Variants in FAP observed in about 807,000 individuals in gnomAD.
The protein encoded by FAP is fibroblast activation protein alpha.
In FAP, 110 loss-of-function variants were observed where a neutral mutation model predicts 126.5. The observed-to-expected ratio is 0.87, with a 90% CI of 0.74 to 1.02. FAP has a LOEUF of 1.02. FAP is among the 50% of genes least tolerant of loss of function. FAP has a pLI of 0.00. For missense variants in FAP, 919 were observed against 909.2 expected (o/e 1.01, Z -0.14); for synonymous variants, 334 against 297.3 (o/e 1.12, Z -1.27).
chr2:162,239,219 T>C (rs1219046123), intron 2 of FAP, among the ~76,000 whole-genome samples: 1 of 152,050 alleles, frequency 6.6e-6, no homozygotes, highest in Non-Finnish European at 1.5e-5. Flanking sequence ...TTTTTTTTAA[T>C]AGAGAAAGGG....
chr2:162,232,550 C>CT (rs1372353111), intron 2 of FAP, among the ~76,000 whole-genome samples: 3 of 152,106 alleles, frequency 2.0e-5, no homozygotes, highest in African/African-American at 7.2e-5. Flanking sequence ...GCAATTTGAG[C>CT]TTTTTCAAAG....
chr2:162,214,007 T>A lies in FAP; in HGVS notation c.933A>T (p.Arg311Ser). The A allele has an allele frequency of 6.2e-7, 1 of 1,614,098 alleles. No homozygotes were observed. The highest frequency in any genetic ancestry group is 8.5e-7 in the Non-Finnish European group (1 of 1,179,982). The change falls in exon 11 of 26, where the codon AGA becomes AGT. Residue 311 changes from arginine (R) to serine (S), a missense_variant. Coordinates refer to ENST00000188790, the MANE Select transcript of FAP (RefSeq NM_004460.5). ...TAGACAGGACCGAAACATTCTGGACTCTTTTTAGCCACTGCAAACATACTC... is the reference window on the plus strand; with the variant it reads ...TAGACAGGACCGAAACATTCTGGACACTTTTTAGCCACTGCAAACATACTC... ...DERVCLQWLK[R>S]VQNVSVLSIC...
chr2:162,175,960 G>C (rs545561678), intron 21 of FAP: 7 of 152,232 alleles, frequency 4.6e-5, no homozygotes, highest in African/African-American at 1.7e-4. Context: ...GTGACTCTCT[G>C]TGTTTATTCT....
chr2:162,196,950 ACTTTTG>A, intron 16 of FAP, among the ~76,000 whole-genome samples: 1 of 152,200 alleles, frequency 6.6e-6, no homozygotes. Flanking sequence ...TCTTCCACCA[ACTTTTG>A]ATGAGAGCTT....
intron 20 of FAP, among the ~76,000 whole-genome samples, chr2:162,184,905 T>C (rs766291367): frequency 1.3e-5 from 2 of 152,128 alleles, no homozygotes; most frequent in Non-Finnish European, 2.9e-5. Flanking sequence ...TAACAGGTGA[T>C]ACATGGGAAC....
chr2:162,241,916 T>C (rs1416782608), intron 2 of FAP, among the ~76,000 whole-genome samples: 1 of 152,210 alleles, frequency 6.6e-6, no homozygotes, highest in African/African-American at 2.4e-5. Flanking sequence ...TTATTTTTAA[T>C]TTTCGAAAAC....
chr2:162,235,001 G>A (rs546789034), intron 2 of FAP, among the ~76,000 whole-genome samples: 2 of 152,220 alleles, frequency 1.3e-5, no homozygotes, highest in Admixed American at 6.5e-5. Flanking sequence ...AGCTGCGGAG[G>A]GCGAACCGGG....
intron 6 of FAP, among the ~76,000 whole-genome samples, chr2:162,223,397 T>C (rs1375784282): frequency 6.6e-6 from 1 of 152,150 alleles, no homozygotes; most frequent in Admixed American, 6.5e-5. Flanking sequence ...AATAAAAATA[T>C]AAAATATTAG....
Position 162,243,439 on chromosome 2 carries a change from C to A in FAP, c.-112G>T. 2 of 1,422,036 alleles carry A rather than the reference C, an allele frequency of 1.4e-6. No homozygotes were observed. The highest frequency in any genetic ancestry group is 1.5e-5 in the South Asian group (1 of 68,654). 88.1% of individuals were successfully genotyped at this position (1,422,036 alleles called of 1,614,324 possible). Reference sequence around the variant, plus strand: ...CTGTCTTTGTAGTTGGAAGCTGAAGCCAGGACAAGGTTTTTTTCTTTCCAC... The same window carrying A: ...CTGTCTTTGTAGTTGGAAGCTGAAGACAGGACAAGGTTTTTTTCTTTCCAC... On this transcript the variant is annotated 5_prime_UTR_variant, in exon 1 of 26. Coordinates refer to ENST00000188790, the MANE Select transcript of FAP (RefSeq NM_004460.5).
chr2:162,179,116 C>T (rs1474631459), intron 21 of FAP, among the ~76,000 whole-genome samples: 1 of 152,116 alleles, frequency 6.6e-6, no homozygotes, highest in African/African-American at 2.4e-5. Context: ...GCCCTATTGA[C>T]TTCAAGAGCA....
intron 2 of FAP, among the ~76,000 whole-genome samples, chr2:162,241,727 T>A (rs189763539): frequency 6.6e-6 from 1 of 152,240 alleles, no homozygotes; most frequent in Admixed American, 6.5e-5. Flanking sequence ...CTGAAAACAA[T>A]TTTAACATGA....
intron 6 of FAP, among the ~76,000 whole-genome samples, chr2:162,222,385 A>C (rs1689444292): frequency 6.6e-6 from 1 of 152,214 alleles, no homozygotes; most frequent in Non-Finnish European, 1.5e-5. Context: ...AAGGACTCAG[A>C]ATGCATTAGA....
At chr2:162,203,483 CAAACCT>C (rs1464987222) in intron 12 of FAP, among the ~76,000 whole-genome samples, 1 of 152,182 alleles carries the variant, frequency 6.6e-6, no homozygotes, top group African/African-American at 2.4e-5. Flanking sequence ...TTAACGAAAC[CAAACCT>C]AAAATGAGGT....
chr2:162,180,362 A>T (rs1687655528), intron 21 of FAP, among the ~76,000 whole-genome samples: 3 of 152,188 alleles, frequency 2.0e-5, no homozygotes, highest in Admixed American at 2.0e-4. Flanking sequence ...ATTAGAATAA[A>T]TTGAAGTGCG....
chr2:162,192,093 C>G (rs1044281126), intron 17 of FAP, among the ~76,000 whole-genome samples: 1 of 152,058 alleles, frequency 6.6e-6, no homozygotes, highest in African/African-American at 2.4e-5. Context: ...AAATGTTTAT[C>G]CTCTTTCAAA....
At chr2:162,233,946 C>G (rs1025928212) in intron 2 of FAP, among the ~76,000 whole-genome samples, 2 of 152,140 alleles carry the variant, frequency 1.3e-5, no homozygotes, top group African/African-American at 4.8e-5. Context: ...CCAATTGTTT[C>G]ACCATCATTT....
At chr2:162,221,906 C>A (rs1689419885) in intron 6 of FAP, among the ~76,000 whole-genome samples, 1 of 152,000 alleles carries the variant, frequency 6.6e-6, no homozygotes, top group East Asian at 1.9e-4. Context: ...GAATCTCAAA[C>A]AAGTTTGCCA....
chr2:162,173,585 T>A (rs1275131769), intron 23 of FAP, 138 bp downstream of exon 23: 1 of 662,516 alleles, frequency 1.5e-6, no homozygotes, highest in East Asian at 2.6e-5. Flanking sequence ...CCCTTTCTAG[T>A]GATGTGTTTT....
chr2:162,188,014 T>G (rs1030858847), intron 20 of FAP, among the ~76,000 whole-genome samples, 155 bp downstream of exon 20: 6 of 152,114 alleles, frequency 3.9e-5, no homozygotes, highest in African/African-American at 1.4e-4. Flanking sequence ...TTTTTTCATA[T>G]TTGGCAGAAA....
Sources: gnomAD v4.1 joint callset for allele counts (sites outside exome capture counted in the v4.1 genomes callset) on GRCh38, gnomAD v4.1.1 for gene constraint, MANE v1.5 for transcripts, NCBI Gene and HGNC (gene_info 2026-07-23, HGNC 2026-07-21) for gene names.